The following PTPRD variants were observed in gnomAD, a reference collection of about 807,000 sequenced individuals.
PTPRD encodes receptor-type tyrosine-protein phosphatase delta.
A neutral mutation model predicts 214.5 loss-of-function variants in PTPRD; 34 were observed. That is an observed-to-expected ratio of 0.16 (90% CI 0.12 to 0.21). PTPRD has a LOEUF of 0.21. Ranked by LOEUF, PTPRD falls within the 10% of genes least tolerant of loss-of-function variation. The pLI, the probability that PTPRD is intolerant of heterozygous loss-of-function variation, is 1.00. For missense variants in PTPRD, 2,545 were observed against 2,398.7 expected (o/e 1.06, Z -1.27); for synonymous variants, 1,128 against 845.7 (o/e 1.33, Z -5.79).
At chr9:9,771,618 C>T (rs2098752466) in intron 5 of PTPRD, among the ~76,000 whole-genome samples, 1 of 152,148 alleles carries the variant, frequency 6.6e-6, no homozygotes, top group South Asian at 2.1e-4. Context: ...TTACTTTTTT[C>T]AACCTATCTT....
At chr9:10,061,010 C>G (rs1357207643) in intron 3 of PTPRD, among the ~76,000 whole-genome samples, 1 of 149,958 alleles carries the variant, frequency 6.7e-6, no homozygotes, top group Non-Finnish European at 1.5e-5. Flanking sequence ...CTCTTTCTGT[C>G]TCTCTCTCTT....
intron 5 of PTPRD, among the ~76,000 whole-genome samples, chr9:9,900,454 C>T (rs898854139): frequency 6.6e-6 from 1 of 152,168 alleles, no homozygotes; most frequent in African/African-American, 2.4e-5. Context: ...CAATAACTTT[C>T]TCATTTTTAT....
At chr9:9,419,808 GACTTTTGTATGTAA>G (rs2078129158) in intron 8 of PTPRD, among the ~76,000 whole-genome samples, 1 of 151,618 alleles carries the variant, frequency 6.6e-6, no homozygotes, top group Non-Finnish European at 1.5e-5. Flanking sequence ...GTAATTATTA[GACTTTTGTATGTAA>G]ACATATTAAA....
At chr9:9,713,307 TG>T (rs2097767695) in intron 7 of PTPRD, among the ~76,000 whole-genome samples, 1 of 152,036 alleles carries the variant, frequency 6.6e-6, no homozygotes, top group Non-Finnish European at 1.5e-5. Flanking sequence ...AAAATTAGAA[TG>T]GGGAAAGGGA....
intron 14 of PTPRD, among the ~76,000 whole-genome samples, chr9:8,553,971 G>A (rs573376259): frequency 1.2e-4 from 19 of 152,014 alleles, no homozygotes; most frequent in Non-Finnish European, 1.8e-4. Flanking sequence ...GGCAGATCAC[G>A]AGGTCAGGAG....
intron 10 of PTPRD, among the ~76,000 whole-genome samples, chr9:9,127,723 T>A (rs996972634): frequency 2.0e-5 from 3 of 152,080 alleles, no homozygotes; most frequent in Non-Finnish European, 2.9e-5. Context: ...TATATATACA[T>A]GTATCAGTCT....
In PTPRD at chr9:8,929,747, A is replaced by G. The variant is rs7870237; in HGVS notation, c.-104+88950T>C. Among the ~76,000 whole-genome samples, 608 of 61,464 alleles carry G rather than the reference A, an allele frequency of 9.9e-3. 28 individuals are homozygous for G. Among genetic ancestry groups the G allele is most frequent in the East Asian group, 0.097 (101 of 1,040 alleles). 40.3% of individuals were successfully genotyped at this position (61,464 alleles called of 152,430 possible). A position where few individuals can be genotyped will look rare whatever the true frequency, so the allele number is the denominator to read the frequency against. On this transcript the variant is annotated intron_variant, in intron 11 of 45. Coordinates refer to ENST00000381196, the MANE Select transcript of PTPRD (RefSeq NM_002839.4). ...TATATATATGTGTATATATATGTGT[A>G]TATATATATGTATATATATGTGTAT...
intron 2 of PTPRD, among the ~76,000 whole-genome samples, chr9:10,553,122 T>G (rs1816277041): frequency 6.6e-6 from 1 of 152,158 alleles, no homozygotes; most frequent in South Asian, 2.1e-4. Context: ...GAAGCACATC[T>G]GGATTTGTTA....
At chr9:9,437,413 T>C (rs536231940) in intron 8 of PTPRD, among the ~76,000 whole-genome samples, 1 of 147,234 alleles carries the variant, frequency 6.8e-6, no homozygotes, top group Admixed American at 6.9e-5. Flanking sequence ...GTAATCACAA[T>C]GATGCCCCCT....
chr9:10,448,661 A>AT (rs920674845), intron 2 of PTPRD, among the ~76,000 whole-genome samples: 1 of 151,906 alleles, frequency 6.6e-6, no homozygotes, highest in African/African-American at 2.4e-5. Flanking sequence ...CTTTTTTCCT[A>AT]TTTTACATCT....
At chr9:8,436,824 G>C in intron 34 of PTPRD, 135 bp from the exon 35 acceptor site, 1 of 688,086 alleles carries the variant, frequency 1.5e-6, no homozygotes, top group Non-Finnish European at 2.4e-6. Flanking sequence ...AGGTGAGGAA[G>C]CAGGCAAATA....
intron 4 of PTPRD, among the ~76,000 whole-genome samples, chr9:9,980,465 G>A (rs1311494292): frequency 1.3e-5 from 2 of 151,284 alleles, no homozygotes; most frequent in East Asian, 1.9e-4. Context: ...AAAATTAGCC[G>A]GGCATAGTGG....
intron 11 of PTPRD, among the ~76,000 whole-genome samples, chr9:8,791,650 C>T (rs7873197): frequency 0.4 from 60,194 of 149,892 alleles, 12,902 homozygotes; most frequent in Middle Eastern, 0.52. Context: ...GGAGAGAAAT[C>T]CAAAGGAATT....
At chr9:9,452,099 T>C (rs2092308028) in intron 8 of PTPRD, among the ~76,000 whole-genome samples, 1 of 151,480 alleles carries the variant, frequency 6.6e-6, no homozygotes, top group Admixed American at 6.6e-5. Flanking sequence ...TATAACAATC[T>C]ATACCTAGCA....
chr9:9,073,497 C>G (rs2099746805), intron 10 of PTPRD, among the ~76,000 whole-genome samples: 1 of 152,078 alleles, frequency 6.6e-6, no homozygotes, highest in African/African-American at 2.4e-5. Flanking sequence ...ACATTTACCA[C>G]CAGTTAAGTA....
At chr9:9,692,599 G>GAGCATA (rs1162164273) in intron 7 of PTPRD, among the ~76,000 whole-genome samples, 1 of 151,290 alleles carries the variant, frequency 6.6e-6, no homozygotes, top group East Asian at 1.9e-4. Context: ...AGCATAGCTT[G>GAGCATA]GCTAGTCTGG....
At chr9:9,991,425 G>T (rs768615540) in intron 4 of PTPRD, among the ~76,000 whole-genome samples, 1 of 150,608 alleles carries the variant, frequency 6.6e-6, no homozygotes, top group Non-Finnish European at 1.5e-5. Context: ...GCAATGTTGT[G>T]ATCTCAGCTC....
chr9:8,884,292 G>C (rs1267641159), intron 11 of PTPRD, among the ~76,000 whole-genome samples: 1 of 152,226 alleles, frequency 6.6e-6, no homozygotes, highest in Non-Finnish European at 1.5e-5. Flanking sequence ...GCAAGACAGA[G>C]AAGGAAAAGG....
At chr9:10,139,828 G>C (rs943233349) in intron 3 of PTPRD, among the ~76,000 whole-genome samples, 3 of 151,072 alleles carry the variant, frequency 2.0e-5, no homozygotes, top group Non-Finnish European at 4.4e-5. Context: ...AGGATAACTG[G>C]CTAGCCATAT....
Sources: gnomAD v4.1 joint callset for allele counts (sites outside exome capture counted in the v4.1 genomes callset) on GRCh38, gnomAD v4.1.1 for gene constraint, MANE v1.5 for transcripts, NCBI Gene and HGNC (gene_info 2026-07-23, HGNC 2026-07-21) for gene names.